Variants in ITFG1 observed in about 807,000 individuals in gnomAD.
ITFG1 encodes the protein T-cell immunomodulatory protein.
A neutral mutation model predicts 81.8 loss-of-function variants in ITFG1; 34 were observed. The ratio of observed to expected loss-of-function variants is 0.42; its 90% confidence interval spans 0.32 to 0.55. The LOEUF (loss-of-function observed/expected upper bound fraction) is 0.55, where lower values mean the gene tolerates loss of function less well. ITFG1 is among the 20% of genes least tolerant of loss of function. The pLI, the probability that ITFG1 is intolerant of heterozygous loss-of-function variation, is 0.17. For missense variants in ITFG1, 672 were observed against 755.4 expected, an observed-to-expected ratio of 0.89 and a Z score of 1.29; for synonymous variants, 285 against 270.6, an observed-to-expected ratio of 1.05 and a Z score of -0.52.
intron 8 of ITFG1, among the ~76,000 whole-genome samples, chr16:47,317,005 G>T (rs1967370592): frequency 1.3e-5 from 2 of 152,064 alleles, no homozygotes; most frequent in South Asian, 4.1e-4. Flanking sequence ...TTTCTTGAAG[G>T]CCAAAATTCT....
intron 10 of ITFG1, among the ~76,000 whole-genome samples, chr16:47,310,749 T>C (rs1377561475): frequency 6.6e-6 from 1 of 152,180 alleles, no homozygotes; most frequent in Non-Finnish European, 1.5e-5. Flanking sequence ...AAGTGGTTCA[T>C]TTACTTTTAC....
chr16:47,155,743 G>A lies in ITFG1; in HGVS notation c.1815C>T (p.His605=). The part of the protein sequence containing the change: ...ADDREKRQEA[H]RFHFDAM Reference sequence around the variant, plus strand: ...GTCACATAGCATCAAAATGAAACCGGTGGGCTTCTTGTCGTTTTTCTCTAT... The same window carrying A: ...GTCACATAGCATCAAAATGAAACCGATGGGCTTCTTGTCGTTTTTCTCTAT... The change falls in exon 18 of 18, where the codon CAC becomes CAT. Residue 605 remains histidine (H), a synonymous_variant. Coordinates refer to ENST00000320640, the MANE Select transcript of ITFG1 (RefSeq NM_030790.5). The A allele has an allele frequency of 6.2e-7, 1 of 1,607,200 alleles. No individual in the cohort carries two copies. Among genetic ancestry groups the A allele is most frequent in the Non-Finnish European group, 8.5e-7 (1 of 1,176,588 alleles).
chr16:47,418,713 T>C (rs1248839189), intron 6 of ITFG1, among the ~76,000 whole-genome samples: 2 of 152,232 alleles, frequency 1.3e-5, no homozygotes, highest in Non-Finnish European at 2.9e-5. Context: ...GGGTTCTCTA[T>C]TCTGTTCCAC....
chr16:47,209,686 T>C lies in ITFG1; in HGVS notation c.1453+9182A>G, dbSNP rs942813384. Among the ~76,000 whole-genome samples the C allele has an allele frequency of 3.8e-4, 58 of 152,198 alleles. 1 individual carries two copies. The highest frequency in any genetic ancestry group is 3.4e-3 in the Admixed American group (52 of 15,274). ...AAGGATCCCTCATACTGTCTTTTCA[T>C]AGCCACAACCATTTCCCCGTCACCC... On this transcript the variant is annotated intron_variant, in intron 14 of 17. Transcript: ENST00000320640.
At chr16:47,220,997 C>G (rs1965683928) in intron 13 of ITFG1, among the ~76,000 whole-genome samples, 1 of 152,140 alleles carries the variant, frequency 6.6e-6, no homozygotes, top group South Asian at 2.1e-4. Context: ...ATGTCACTCT[C>G]CCCAGCTCTG....
intron 5 of ITFG1, among the ~76,000 whole-genome samples, chr16:47,447,047 A>G (rs1280134560): frequency 6.6e-6 from 1 of 151,810 alleles, no homozygotes; most frequent in East Asian, 1.9e-4. Context: ...TTTTCTTTGT[A>G]TGTAGAGATG....
At chr16:47,173,273 T>C (rs943574195) in intron 14 of ITFG1, among the ~76,000 whole-genome samples, 4 of 152,302 alleles carry the variant, frequency 2.6e-5, no homozygotes, top group Admixed American at 2.6e-4. Flanking sequence ...TAGATAGTAT[T>C]AAATAACTTA....
rs1969201093 is a variant in ITFG1 at position 47,438,542 on chromosome 16, T to A, written c.561-9644A>T. 2.0e-5 allele frequency among the ~76,000 whole-genome samples: 3 copies of A among 152,228 alleles called. No individual in the cohort carries two copies. In the South Asian group the frequency reaches 6.2e-4, roughly 31 times the overall value. On this transcript the variant is annotated intron_variant, in intron 5 of 17. Transcript: ENST00000320640. ...TGCGGCTCACCAATATTCGCTGTTC[T>A]GCAGCCACTGCTGCTGATACCCAGG...
chr16:47,393,282 G>A (rs1341417297), intron 6 of ITFG1, among the ~76,000 whole-genome samples: 2 of 152,146 alleles, frequency 1.3e-5, no homozygotes, highest in East Asian at 3.8e-4. Context: ...CTGTACTCGA[G>A]GGTGCCTGAG....
chr16:47,293,804 AT>A (rs1966945686), intron 10 of ITFG1, among the ~76,000 whole-genome samples: 1 of 151,956 alleles, frequency 6.6e-6, no homozygotes, highest in East Asian at 1.9e-4. Flanking sequence ...ATTTTCTCCC[AT>A]TTTGCCAGCT....
intron 2 of ITFG1, among the ~76,000 whole-genome samples, chr16:47,457,574 A>C (rs1191049183): frequency 6.6e-6 from 1 of 152,284 alleles, no homozygotes; most frequent in African/African-American, 2.4e-5. Flanking sequence ...ACAGGTTTTA[A>C]AAGTGGTTGC....
intron 6 of ITFG1, among the ~76,000 whole-genome samples, chr16:47,425,333 C>T (rs1477582445): frequency 6.6e-6 from 1 of 152,154 alleles, no homozygotes; most frequent in Non-Finnish European, 1.5e-5. Context: ...TGTACTGTTT[C>T]TCCAGGTACA....
intron 14 of ITFG1, among the ~76,000 whole-genome samples, chr16:47,185,193 C>T (rs1034632693): frequency 6.6e-6 from 1 of 152,094 alleles, no homozygotes; most frequent in African/African-American, 2.4e-5. Flanking sequence ...GACTTTAACA[C>T]CCCACTGTCA....
chr16:47,375,215 C>T (rs1301549831), intron 7 of ITFG1, among the ~76,000 whole-genome samples: 3 of 152,136 alleles, frequency 2.0e-5, no homozygotes, highest in African/African-American at 7.2e-5. Context: ...CGATACTTGG[C>T]CAATACTTCA....
chr16:47,305,281 G>A (rs1158406612), intron 10 of ITFG1, among the ~76,000 whole-genome samples: 1 of 152,126 alleles, frequency 6.6e-6, no homozygotes, highest in Non-Finnish European at 1.5e-5. Flanking sequence ...TTTCTGGGTT[G>A]CTTTCACAGT....
At chr16:47,281,926 G>C (rs1022274781) in intron 10 of ITFG1, among the ~76,000 whole-genome samples, 1 of 151,948 alleles carries the variant, frequency 6.6e-6, no homozygotes, top group Non-Finnish European at 1.5e-5. Flanking sequence ...ATATTATGTA[G>C]TGATGAAGTC....
intron 5 of ITFG1, among the ~76,000 whole-genome samples, chr16:47,432,952 T>C (rs1450993318): frequency 2.0e-5 from 3 of 152,322 alleles, no homozygotes; most frequent in East Asian, 1.9e-4. Flanking sequence ...AATTTTGCCA[T>C]CAAATTCATG....
At chr16:47,162,848 C>CAAAAA in intron 14 of ITFG1, 184 bp from the exon 15 acceptor site, 2 of 467,514 alleles carry the variant, frequency 4.3e-6, no homozygotes, top group Non-Finnish European at 3.7e-6. Context: ...GACATGGTCT[C>CAAAAA]ACTCTGCCAC....
At chr16:47,260,491 T>A (rs1001487741) in intron 11 of ITFG1, 54 bp downstream of exon 11, 9 of 1,579,240 alleles carry the variant, frequency 5.7e-6, no homozygotes, top group Non-Finnish European at 7.8e-6. Flanking sequence ...AGCTAAAGTG[T>A]GACAAGGTGA....
Sources: gnomAD v4.1 joint callset for allele counts (sites outside exome capture counted in the v4.1 genomes callset) on GRCh38, gnomAD v4.1.1 for gene constraint, MANE v1.5 for transcripts, NCBI Gene and HGNC (gene_info 2026-07-23, HGNC 2026-07-21) for gene names.